TICRR: variants seen among roughly 807,000 people sequenced by gnomAD.
TICRR encodes treslin.
TICRR carries 132 observed loss-of-function variants against 178.1 expected under a neutral mutation model. The observed-to-expected ratio is 0.74, with a 90% CI of 0.64 to 0.86. The LOEUF (loss-of-function observed/expected upper bound fraction) is 0.86. TICRR is among the 40% of genes least tolerant of loss of function. TICRR has a pLI of 0.00. For missense variants in TICRR, 2,587 were observed against 2,334.3 expected, an observed-to-expected ratio of 1.11 and a Z score of -2.23; for synonymous variants, 991 against 900.7, an observed-to-expected ratio of 1.10 and a Z score of -1.79.
chr15:89,605,149 G>A (rs1963155676), intron 13 of TICRR, among the ~76,000 whole-genome samples: 1 of 152,062 alleles, frequency 6.6e-6, no homozygotes, highest in South Asian at 2.1e-4. Flanking sequence ...TTCTGTAAAG[G>A]GCCAGATAGT....
In TICRR at chr15:89,608,805, G is replaced by A. The variant is rs1162889914; in HGVS notation, c.2725G>A (p.Val909Met). 1.9e-6 allele frequency: 3 copies of A among 1,598,448 alleles called. No homozygotes were observed. Among genetic ancestry groups the A allele is most frequent in the African/African-American group, 2.7e-5 (2 of 73,386 alleles). The change falls in exon 15 of 22, where the codon GTG (valine) becomes ATG (methionine). Residue 909 changes from valine to methionine, a missense_variant and splice_region_variant. Physicochemically the swap from Val to Met is conservative, Grantham distance 21. Coordinates refer to ENST00000268138, the MANE Select transcript of TICRR (RefSeq NM_152259.4). The stretch of plus-strand genomic sequence containing the variant: ...CTTTTAATTTTTGATGCTTTCAGAA[G>A]TGACCAAAGTTCGAAGAAATCTTTT... Reference protein sequence around the residue: ...SQPVKDTVQEVTKVRRNLFNQ... With the variant: ...SQPVKDTVQEMTKVRRNLFNQ...
At position 89,624,178 on chromosome 15, in the gene TICRR, A is replaced by G. The variant is rs772561850; in HGVS notation, c.3868A>G (p.Lys1290Glu). The G allele has an allele frequency of 1.2e-6, 2 of 1,614,142 alleles. No homozygotes were observed. Among genetic ancestry groups the G allele is most frequent in the South Asian group, 1.1e-5 (1 of 91,080 alleles). The part of the protein sequence containing the change: ...PAQKLKDKAI[K>E]TPKRPGNSTV... ...CCAGAAACTAAAGGATAAAGCTATC[A>G]AAACTCCAAAAAGACCAGGGAATTC... is the stretch of plus-strand genomic sequence containing the variant. The change falls in exon 20 of 22, where the codon AAA becomes GAA. Residue 1290 changes from lysine to glutamate, a missense_variant. By Grantham distance (56) the Lys-to-Glu change is moderately conservative. Coordinates refer to ENST00000268138, the MANE Select transcript of TICRR (RefSeq NM_152259.4).
chr15:89,577,098 G>A (rs112556886), intron 1 of TICRR, among the ~76,000 whole-genome samples: 4,170 of 151,678 alleles, frequency 0.027, 187 homozygotes, highest in African/African-American at 0.096. Context: ...GTTCCATGCT[G>A]CCCAGGCTGG....
At chr15:89,593,520 A>G (rs1962947286) in intron 5 of TICRR, among the ~76,000 whole-genome samples, 1 of 152,280 alleles carries the variant, frequency 6.6e-6, no homozygotes, top group East Asian at 1.9e-4. Context: ...CCTGACCAAC[A>G]TGGTGAAACC....
rs1596040054 is a variant in TICRR at position 89,584,517 on chromosome 15, A to T, written c.1166A>T (p.Glu389Val). ...QQLVSRLTAE[E>V]LHLVADVDPG... ...TTGGTAAGCAGGCTGACTGCTGAAG[A>T]GTTACACCTGGTAGGTATCCTCCAC... The change falls in exon 3 of 22, where the codon GAG becomes GTG. Residue 389 changes from glutamate (E) to valine (V), a missense_variant. Physicochemically the swap from Glu to Val is moderately radical, Grantham distance 121. Coordinates refer to ENST00000268138, the MANE Select transcript of TICRR (RefSeq NM_152259.4). 6.4e-7 allele frequency: 1 copy of T among 1,573,020 alleles called. No homozygotes were observed. Among genetic ancestry groups the T allele is most frequent in the Non-Finnish European group, 8.6e-7 (1 of 1,158,134 alleles).
chr15:89,592,325 A>G (rs1166053681), intron 5 of TICRR, 149 bp downstream of exon 5: 2 of 581,946 alleles, frequency 3.4e-6, no homozygotes, highest in Non-Finnish European at 5.7e-6. Context: ...TACTTAATAT[A>G]TATTGTGAGA....
rs757200911 is a variant in TICRR at position 89,618,218 on chromosome 15, T to G, written c.3019+8T>G. The stretch of plus-strand genomic sequence containing the variant: ...CCCCTGAAAAAGGAGATGGTGAGTG[T>G]TATCTCTTTTTGTTTTTAATGCAAT... On this transcript the variant is annotated splice_region_variant and intron_variant, in intron 17 of 21. Transcript: ENST00000268138. 2.8e-5 allele frequency: 45 copies of G among 1,613,376 alleles called. No individual in the cohort carries two copies. The highest frequency in any genetic ancestry group is 3.8e-5 in the Non-Finnish European group (45 of 1,179,406).
chr15:89,601,942 C>T lies in TICRR; in HGVS notation c.2533C>T (p.Gln845Ter). 1.2e-6 allele frequency: 2 copies of T among 1,614,130 alleles called. No homozygotes were observed. The highest frequency in any genetic ancestry group is 1.7e-6 in the Non-Finnish European group (2 of 1,180,018). Residue 845 changes from glutamine to a stop codon, truncating the protein, a stop_gained, in exon 12 of 22, where the codon CAG (glutamine) becomes TAG (stop). Coordinates refer to ENST00000268138, the MANE Select transcript of TICRR (RefSeq NM_152259.4). LOFTEE classifies it high-confidence loss of function. ...VSGSPESDELQELRTRSAKKR... is the reference protein window; with the variant it reads ...VSGSPESDEL ...AGGCAGCCCTGAATCTGATGAACTG[C>T]AGGAACTTCGTACCAGATCAGCCAA...
At chr15:89,614,232 G>A (rs1025597978) in intron 15 of TICRR, among the ~76,000 whole-genome samples, 1 of 151,892 alleles carries the variant, frequency 6.6e-6, no homozygotes, top group Non-Finnish European at 1.5e-5. Flanking sequence ...GACAGATTCT[G>A]TTGGCTGATT....
At position 89,582,836 on chromosome 15, in the gene TICRR, G is replaced by A; in HGVS notation, c.805G>A (p.Glu269Lys). 1 of 1,614,204 alleles carries A rather than the reference G, an allele frequency of 6.2e-7. No individual in the cohort carries two copies. The highest frequency in any genetic ancestry group is 8.5e-7 in the Non-Finnish European group (1 of 1,180,038). Residue 269 changes from glutamate to lysine, a missense_variant, in exon 2 of 22, where the codon GAA becomes AAA. Coordinates refer to ENST00000268138, the MANE Select transcript of TICRR (RefSeq NM_152259.4). Reference protein sequence around the residue: ...LLRSGIKLSSEPHLSPWISML... With the variant: ...LLRSGIKLSSKPHLSPWISML... ...CAGGAGTGGAATAAAGCTGTCAAGTGAACCTCATCTTTCTCCGTGGATTTC... is the reference window on the plus strand; with the variant it reads ...CAGGAGTGGAATAAAGCTGTCAAGTAAACCTCATCTTTCTCCGTGGATTTC...
rs1962747542 is a variant in TICRR at position 89,582,607 on chromosome 15, C to T, written c.655-79C>T. 3.7e-6 allele frequency: 5 copies of T among 1,348,730 alleles called. No homozygotes were observed. The East Asian group carries it at 9.2e-5, about 25-fold the overall frequency. 83.5% of individuals were successfully genotyped at this position (1,348,730 alleles called of 1,614,324 possible). On this transcript the variant is annotated intron_variant, in intron 1 of 21. Transcript: ENST00000268138. ...TCCTTTAATATTGGTATCAACTTTA[C>T]TTTCTCCTGATTTCCTTTACTTTTA...
chr15:89,576,812 T>TGA (rs1962623993), intron 1 of TICRR, among the ~76,000 whole-genome samples: 1 of 9,034 alleles, frequency 1.1e-4, no homozygotes, highest in Admixed American at 9.5e-4. Context: ...TGTGTGTGTA[T>TGA]GTGTGTGTGT....
Position 89,575,499 on chromosome 15 carries a change from A to G in TICRR, c.-88A>G. On this transcript the variant is annotated 5_prime_UTR_variant, in exon 1 of 22. Coordinates refer to ENST00000268138, the MANE Select transcript of TICRR (RefSeq NM_152259.4). The stretch of plus-strand genomic sequence containing the variant: ...TTCGACCAGGGTCCCAAAGGAAAGC[A>G]GTGAGTGGTGCTGTTTCCCTGAAGG... 1 of 1,268,938 alleles carries G rather than the reference A, an allele frequency of 7.9e-7. No homozygotes were observed. The allele number at this position is 1,268,938 out of a possible 1,614,324, so 78.6% of individuals were successfully genotyped here.
chr15:89,609,033 T>G, intron 15 of TICRR, 84 bp downstream of exon 15: 2 of 1,335,018 alleles, frequency 1.5e-6, no homozygotes, highest in South Asian at 1.6e-5. Context: ...TTTCCTGATT[T>G]AGTAATTTGA....
rs529419926 is a variant in TICRR, at chr15:89,597,568, A to G, written c.1901-1756A>G. Reference sequence around the variant, plus strand: ...CCGTTTACTATATTTATGTAGGTCTATTTCCAGGCTCTCCTGTTACATTGA... The same window carrying G: ...CCGTTTACTATATTTATGTAGGTCTGTTTCCAGGCTCTCCTGTTACATTGA... On this transcript the variant is annotated intron_variant, in intron 7 of 21. Coordinates refer to ENST00000268138, the MANE Select transcript of TICRR (RefSeq NM_152259.4). Among the ~76,000 whole-genome samples the G allele has an allele frequency of 5.9e-5, 9 of 151,604 alleles. No individual in the cohort carries two copies. In the East Asian group the frequency reaches 1.5e-3, roughly 26 times the overall value.
intron 7 of TICRR, among the ~76,000 whole-genome samples, chr15:89,597,194 G>A (rs1963011374): frequency 6.6e-6 from 1 of 152,082 alleles, no homozygotes; most frequent in Admixed American, 6.5e-5. Flanking sequence ...GATTGTATTA[G>A]TCTTCCACTA....
Position 89,600,595 on chromosome 15 carries a change from T to G in TICRR, c.2063T>G (p.Leu688Arg), listed in dbSNP as rs200304489. Reference protein sequence around the residue: ...KGTKELEVNCLNQVKSSLLKT... With the variant: ...KGTKELEVNCRNQVKSSLLKT... ...ATTTTGTATTTTTAGGTGAACTGCCTGAATCAAGTAAAAAGTAGTCTCTTA... is the reference window on the plus strand; with the variant it reads ...ATTTTGTATTTTTAGGTGAACTGCCGGAATCAAGTAAAAAGTAGTCTCTTA... The change falls in exon 9 of 22, where the codon CTG (leucine) becomes CGG (arginine). Residue 688 changes from leucine to arginine, a missense_variant. Leu to Arg is a moderately radical substitution (Grantham distance 102). Coordinates refer to ENST00000268138, the MANE Select transcript of TICRR (RefSeq NM_152259.4). The G allele has an allele frequency of 1.9e-6, 3 of 1,561,648 alleles. No homozygotes were observed. Among genetic ancestry groups the G allele is most frequent in the East Asian group, 4.5e-5 (2 of 44,140 alleles).
intron 15 of TICRR, 159 bp downstream of exon 15, chr15:89,609,108 T>TC: frequency 2.5e-6 from 1 of 394,802 alleles, no homozygotes; most frequent in East Asian, 4.8e-5. Context: ...ATCTTTTTTT[T>TC]TTTTTTTTTT....
At chr15:89,622,779 T>C (rs1300336973) in intron 19 of TICRR, among the ~76,000 whole-genome samples, 1 of 152,168 alleles carries the variant, frequency 6.6e-6, no homozygotes, top group Non-Finnish European at 1.5e-5. Flanking sequence ...CCTTTGCTAG[T>C]ATTGTTTTCT....
Sources: allele counts gnomAD v4.1 joint callset (sites outside exome capture counted in the v4.1 genomes callset), GRCh38; gene constraint gnomAD v4.1.1; transcripts MANE v1.5; gene names NCBI Gene and HGNC (gene_info 2026-07-23, HGNC 2026-07-21).